CLSTN2: variants seen among roughly 807,000 people sequenced by gnomAD.
The protein encoded by CLSTN2 is calsyntenin-2.
A neutral mutation model predicts 101.2 loss-of-function variants in CLSTN2; 48 were observed. That is an observed-to-expected ratio of 0.47 (90% CI 0.38 to 0.60). The LOEUF (loss-of-function observed/expected upper bound fraction) is 0.60, where lower values mean the gene tolerates loss of function less well. Ranked by LOEUF, CLSTN2 falls within the 20% of genes least tolerant of loss-of-function variation. CLSTN2 has a pLI of 0.00. For missense variants in CLSTN2, 1,160 were observed against 1,238.2 expected (o/e 0.94, Z 0.95); for synonymous variants, 481 against 463.6 (o/e 1.04, Z -0.48).
intron 1 of CLSTN2, among the ~76,000 whole-genome samples, chr3:139,946,247 G>T (rs983379928): frequency 6.6e-6 from 1 of 152,188 alleles, no homozygotes; most frequent in Non-Finnish European, 1.5e-5. Context: ...CTCTCATGCT[G>T]CCAAGAAACC....
intron 2 of CLSTN2, among the ~76,000 whole-genome samples, chr3:140,181,397 G>T (rs532542388): frequency 1.3e-5 from 2 of 152,048 alleles, no homozygotes; most frequent in Non-Finnish European, 2.9e-5. Context: ...GATTCATTTG[G>T]GTTGATTACA....
chr3:140,470,920 G>T (rs1314047106), intron 8 of CLSTN2, among the ~76,000 whole-genome samples: 1 of 152,138 alleles, frequency 6.6e-6, no homozygotes, highest in East Asian at 1.9e-4. Flanking sequence ...CTTCAGGAGT[G>T]CTGCTGAGAG....
intron 9 of CLSTN2, among the ~76,000 whole-genome samples, chr3:140,537,841 C>G (rs1432025789): frequency 6.6e-6 from 1 of 152,148 alleles, no homozygotes; most frequent in Non-Finnish European, 1.5e-5. Flanking sequence ...CTAAACTGGT[C>G]CTGATCACCT....
At chr3:140,530,067 T>G (rs761772000) in intron 8 of CLSTN2, among the ~76,000 whole-genome samples, 24 of 152,204 alleles carry the variant, frequency 1.6e-4, no homozygotes, top group Non-Finnish European at 3.2e-4. Context: ...ACCCAGTAAT[T>G]CCATTTCCAG....
chr3:140,109,133 G>C (rs1159882329), intron 1 of CLSTN2, among the ~76,000 whole-genome samples: 1 of 152,126 alleles, frequency 6.6e-6, no homozygotes, highest in Non-Finnish European at 1.5e-5. Flanking sequence ...GAGTCTTTAT[G>C]GGGTCTCAGC....
chr3:139,976,832 G>A (rs1935826957), intron 1 of CLSTN2, among the ~76,000 whole-genome samples: 1 of 152,202 alleles, frequency 6.6e-6, no homozygotes, highest in African/African-American at 2.4e-5. Context: ...ATTGATGTGT[G>A]TGTGCATGCA....
At chr3:139,950,398 G>T (rs1438741354) in intron 1 of CLSTN2, among the ~76,000 whole-genome samples, 2 of 152,140 alleles carry the variant, frequency 1.3e-5, no homozygotes, top group African/African-American at 4.8e-5. Flanking sequence ...TTCTTCTAGG[G>T]GTAGAGGTTT....
intron 1 of CLSTN2, among the ~76,000 whole-genome samples, chr3:140,137,865 G>A (rs548720844): frequency 2.0e-5 from 3 of 152,292 alleles, no homozygotes; most frequent in South Asian, 2.1e-4. Context: ...GGGTTAAGCA[G>A]CATCAGGGTT....
chr3:140,166,266 C>A (rs977135850), intron 1 of CLSTN2, among the ~76,000 whole-genome samples: 1 of 152,174 alleles, frequency 6.6e-6, no homozygotes, highest in African/African-American at 2.4e-5. Context: ...CCATCAGTTA[C>A]CCCAAGGGTC....
chr3:140,526,810 A>G (rs539891356), intron 8 of CLSTN2, among the ~76,000 whole-genome samples: 1 of 152,286 alleles, frequency 6.6e-6, no homozygotes, highest in South Asian at 2.1e-4. Context: ...ATCTTCAGCA[A>G]AATAGACAAA....
At chr3:140,533,710 CAAAAAAAAAA>C (rs71627883) in intron 9 of CLSTN2, among the ~76,000 whole-genome samples, 1 of 58,890 alleles carries the variant, frequency 1.7e-5, no homozygotes, top group Admixed American at 1.3e-4. Flanking sequence ...GACTCCATCT[CAAAAAAAAAA>C]AAAAAAAAAA....
intron 10 of CLSTN2, among the ~76,000 whole-genome samples, chr3:140,547,240 C>T (rs959790151): frequency 1.3e-5 from 2 of 152,162 alleles, no homozygotes; most frequent in African/African-American, 4.8e-5. Context: ...CTTTGGGAGG[C>T]TGAGGCAGGT....
chr3:140,392,644 A>T (rs903399843), intron 2 of CLSTN2, among the ~76,000 whole-genome samples: 2 of 152,192 alleles, frequency 1.3e-5, no homozygotes, highest in Non-Finnish European at 2.9e-5. Context: ...AAGAGTGCAG[A>T]CATAGAATAT....
chr3:140,103,850 A>C (rs1436975236), intron 1 of CLSTN2, among the ~76,000 whole-genome samples: 1 of 152,222 alleles, frequency 6.6e-6, no homozygotes, highest in Admixed American at 6.5e-5. Context: ...AAAGATAAAC[A>C]CATAAAAAAG....
chr3:140,433,337 T>C (rs1055667606), intron 5 of CLSTN2, among the ~76,000 whole-genome samples: 2 of 152,180 alleles, frequency 1.3e-5, no homozygotes, highest in African/African-American at 4.8e-5. Context: ...TTAGATGACC[T>C]CTCAGGCACC....
intron 1 of CLSTN2, among the ~76,000 whole-genome samples, chr3:140,019,775 G>A (rs1230343304): frequency 6.6e-6 from 1 of 152,120 alleles, no homozygotes; most frequent in African/African-American, 2.4e-5. Flanking sequence ...GTTGCAGTGG[G>A]CATGGAAAGG....
Position 140,532,064 on chromosome 3 carries a change from G to T in CLSTN2, c.1345-260G>T, listed in dbSNP as rs114279436. On this transcript the variant is annotated intron_variant, in intron 8 of 16. Transcript: ENST00000458420. ...TTCTCTGCCTCCCCAGGTGCACCAT[G>T]GTAAGGCTGAAAATCTCCCCATCAT... Among the ~76,000 whole-genome samples, 317 of 152,264 alleles carry T rather than the reference G, an allele frequency of 2.1e-3. 2 individuals carry two copies. The highest frequency in any genetic ancestry group is 6.6e-3 in the African/African-American group (275 of 41,540).
intron 1 of CLSTN2, among the ~76,000 whole-genome samples, chr3:139,946,705 T>A (rs9824300): frequency 0.058 from 8,813 of 152,200 alleles, 298 homozygotes; most frequent in Non-Finnish European, 0.075. Flanking sequence ...AAGACTTCAT[T>A]CTCCATCCTG....
intron 2 of CLSTN2, among the ~76,000 whole-genome samples, chr3:140,202,385 C>T (rs2010728899): frequency 6.6e-6 from 1 of 152,120 alleles, no homozygotes; most frequent in African/African-American, 2.4e-5. Flanking sequence ...CTGATGTGTT[C>T]TATCTGAGGT....
Sources: gnomAD v4.1 joint callset for allele counts (sites outside exome capture counted in the v4.1 genomes callset) on GRCh38, gnomAD v4.1.1 for gene constraint, MANE v1.5 for transcripts, NCBI Gene and HGNC (gene_info 2026-07-23, HGNC 2026-07-21) for gene names.